The following OPN3 variants were observed in gnomAD, a reference collection of about 807,000 sequenced individuals.
OPN3 encodes the protein opsin-3.
In OPN3, 29 loss-of-function variants were observed where a neutral mutation model predicts 33.8. That is an observed-to-expected ratio of 0.86 (90% CI 0.64 to 1.17). The LOEUF (loss-of-function observed/expected upper bound fraction) is 1.17. OPN3 is among the 50% of genes most tolerant of loss of function. The pLI, the probability that OPN3 is intolerant of heterozygous loss-of-function variation, is 0.00. For synonymous variants in OPN3, 216 were observed against 216.1 expected (o/e 1.00, Z 0.00); for missense variants, 437 against 514.1 (o/e 0.85, Z 1.45).
chr1:241,638,994 C>CA (rs1432676875), intron 1 of OPN3, among the ~76,000 whole-genome samples: 1 of 152,120 alleles, frequency 6.6e-6, no homozygotes, highest in African/African-American at 2.4e-5. Flanking sequence ...CTGAGGCACA[C>CA]AAAAAAATAA....
intron 1 of OPN3, among the ~76,000 whole-genome samples, chr1:241,618,261 T>C (rs1664187879): frequency 6.6e-6 from 1 of 152,178 alleles, no homozygotes; most frequent in Admixed American, 6.5e-5. Flanking sequence ...AAGAATGCTG[T>C]TTCCAAATGC....
chr1:241,629,992 C>G (rs1210205368), intron 1 of OPN3: 1 of 152,016 alleles, frequency 6.6e-6, no homozygotes, highest in Non-Finnish European at 1.5e-5. Context: ...ATGCCATATT[C>G]CACACAGCAA....
intron 1 of OPN3, 56 bp downstream of exon 1, chr1:241,639,826 G>C (rs1406613870): frequency 1.6e-5 from 23 of 1,403,104 alleles, no homozygotes; most frequent in South Asian, 3.0e-5. Flanking sequence ...AGCGGGCAGC[G>C]GGGTGGGGAG....
At chr1:241,606,997 G>A (rs1285243966) in intron 1 of OPN3, among the ~76,000 whole-genome samples, 1 of 152,058 alleles carries the variant, frequency 6.6e-6, no homozygotes, top group African/African-American at 2.4e-5. Context: ...CAGAGGTGCT[G>A]GACTCAGAAA....
chr1:241,594,036 TG>T lies in OPN3; in HGVS notation c.*391del. ...CCAACAGTACAAAAAAAATTCAGTA[TG>T]TTCTAGCTACTTCACACATGTGTAC... On this transcript the variant is annotated 3_prime_UTR_variant, in exon 4 of 4. Transcript: ENST00000366554. The T allele has an allele frequency of 5.6e-6, 1 of 178,296 alleles. No individual in the cohort carries two copies. 11.0% of individuals were successfully genotyped at this position (178,296 alleles called of 1,614,324 possible).
intron 2 of OPN3, among the ~76,000 whole-genome samples, chr1:241,602,440 C>T (rs1663700737): frequency 6.6e-6 from 1 of 152,086 alleles, no homozygotes; most frequent in Admixed American, 6.5e-5. Context: ...GGAATGAATG[C>T]TAGATAAACT....
intron 1 of OPN3, among the ~76,000 whole-genome samples, chr1:241,622,442 C>A (rs545701697): frequency 6.6e-6 from 1 of 152,264 alleles, no homozygotes; most frequent in South Asian, 2.1e-4. Context: ...ACTACCATAT[C>A]ATCTGATACT....
chr1:241,601,568 T>C (rs1227128960), intron 2 of OPN3, among the ~76,000 whole-genome samples: 6 of 152,096 alleles, frequency 3.9e-5, no homozygotes, highest in African/African-American at 1.2e-4. Flanking sequence ...TAGCCAGGCA[T>C]GGTGGTGGGC....
chr1:241,617,115 A>C (rs1664152962), intron 1 of OPN3, among the ~76,000 whole-genome samples: 1 of 152,164 alleles, frequency 6.6e-6, no homozygotes, highest in African/African-American at 2.4e-5. Flanking sequence ...GTCAGGCAGG[A>C]AAGTCTCATC....
At position 241,634,856 on chromosome 1, in the gene OPN3, C is replaced by T. The variant is rs778639588; in HGVS notation, c.373+5026G>A. 5 of 1,609,626 alleles carry T rather than the reference C, an allele frequency of 3.1e-6. No individual in the cohort carries two copies. The South Asian group carries it at 3.3e-5, about 11-fold the overall frequency. On this transcript the variant is annotated intron_variant, in intron 1 of 3. Transcript: ENST00000366554. ...ATCAGGATGTTGTTCATACTCTAAACAAAATGTGAGAAATTTCATTAGCAT... is the reference window on the plus strand; with the variant it reads ...ATCAGGATGTTGTTCATACTCTAAATAAAATGTGAGAAATTTCATTAGCAT...
rs1663573166 is a variant in OPN3 at position 241,598,003 on chromosome 1, G to T, written c.694-6C>A. On this transcript the variant is annotated splice_region_variant and splice_polypyrimidine_tract_variant and intron_variant, in intron 2 of 3. Transcript: ENST00000366554. ...AGATCTTCCACACAACGAAGCTGCA[G>T]AAAGGAGAAAGAAAGGAAAGGGCTT... The T allele has an allele frequency of 6.2e-7, 1 of 1,610,496 alleles. No individual in the cohort carries two copies. Among genetic ancestry groups the T allele is most frequent in the Non-Finnish European group, 8.5e-7 (1 of 1,178,830 alleles).
intron 1 of OPN3, chr1:241,614,149 C>T (rs1292612442): frequency 6.6e-6 from 1 of 151,902 alleles, no homozygotes; most frequent in East Asian, 1.9e-4. Context: ...GCCTGGGCAA[C>T]AGAGTGAGAC....
At chr1:241,597,640 T>G in intron 3 of OPN3, 106 bp downstream of exon 3, 3 of 1,170,796 alleles carry the variant, frequency 2.6e-6, no homozygotes, top group Non-Finnish European at 3.5e-6. Context: ...AAATTCTTGT[T>G]TTTTTTTTAA....
At position 241,604,358 on chromosome 1, in the gene OPN3, C is replaced by T. The variant is rs747806920; in HGVS notation, c.595G>A (p.Asp199Asn). ...TVDWKSKDANDSSFVLFLFLG... is the reference protein window; with the variant it reads ...TVDWKSKDANNSSFVLFLFLG... The stretch of plus-strand genomic sequence containing the variant: ...AATAAGAAAAGCACAAAGGAGGAAT[C>T]GTTGGCATCCTTGGATTTCCAGTCC... The change falls in exon 2 of 4, where the codon GAT becomes AAT. Residue 199 changes from aspartate (D) to asparagine (N), a missense_variant. Physicochemically the swap from Asp to Asn is conservative, Grantham distance 23. Coordinates refer to ENST00000366554, the MANE Select transcript of OPN3 (RefSeq NM_014322.3). 3.0e-5 allele frequency: 48 copies of T among 1,614,084 alleles called. No individual in the cohort carries two copies. The Admixed American group carries it at 6.2e-4, about 21-fold the overall frequency.
intron 1 of OPN3, chr1:241,634,716 A>G: frequency 1.2e-6 from 2 of 1,614,006 alleles, no homozygotes; most frequent in South Asian, 1.1e-5. Context: ...ATTGTAGTGC[A>G]AGATGATTCT....
At chr1:241,606,334 A>G (rs12070998) in intron 1 of OPN3, among the ~76,000 whole-genome samples, 4,651 of 152,188 alleles carry the variant, frequency 0.031, 258 homozygotes, top group African/African-American at 0.11. Context: ...ACCTGAGGTC[A>G]GGGGTTTAAG....
At chr1:241,594,784 T>G (rs1392247044) in intron 3 of OPN3, 93 bp from the exon 4 acceptor site, 5 of 1,459,554 alleles carry the variant, frequency 3.4e-6, no homozygotes, top group Non-Finnish European at 4.6e-6. Flanking sequence ...TGAATTTAAG[T>G]TGTTTTTTGT....
At chr1:241,621,833 C>T (rs1446949064) in intron 1 of OPN3, among the ~76,000 whole-genome samples, 2 of 152,092 alleles carry the variant, frequency 1.3e-5, no homozygotes, top group Non-Finnish European at 2.9e-5. Context: ...TCCCTTCTGG[C>T]ATCAACTGAT....
chr1:241,622,587 G>A (rs1370825780), intron 1 of OPN3, among the ~76,000 whole-genome samples: 6 of 152,140 alleles, frequency 3.9e-5, no homozygotes, highest in Non-Finnish European at 8.8e-5. Flanking sequence ...TTTTAAAGAG[G>A]TGCCCATTCA....
Sources: gnomAD v4.1 joint callset for allele counts (sites outside exome capture counted in the v4.1 genomes callset) on GRCh38, gnomAD v4.1.1 for gene constraint, MANE v1.5 for transcripts, NCBI Gene and HGNC (gene_info 2026-07-23, HGNC 2026-07-21) for gene names.